The following NIBAN1 variants were observed in gnomAD, a reference collection of about 807,000 sequenced individuals.
NIBAN1 encodes protein Niban 1.
Under a neutral mutation model 75.1 loss-of-function variants are expected in NIBAN1, and 81 were observed. That is an observed-to-expected ratio of 1.08 (90% CI 0.90 to 1.30). NIBAN1 has a LOEUF of 1.30. NIBAN1 is among the 50% of genes most tolerant of loss of function. The pLI is 0.00. For missense variants in NIBAN1, 1,133 were observed against 1,128.1 expected, an observed-to-expected ratio of 1.00 and a Z score of -0.06; for synonymous variants, 436 against 424.8, an observed-to-expected ratio of 1.03 and a Z score of -0.32.
chr1:184,826,772 A>G (rs542426755), intron 6 of NIBAN1, among the ~76,000 whole-genome samples: 2 of 152,224 alleles, frequency 1.3e-5, no homozygotes, highest in Non-Finnish European at 2.9e-5. Flanking sequence ...ACAATGTTCC[A>G]AGAAATTTGG....
chr1:184,820,624 G>T (rs566032330), intron 8 of NIBAN1, among the ~76,000 whole-genome samples: 4 of 152,190 alleles, frequency 2.6e-5, no homozygotes, highest in African/African-American at 4.8e-5. Flanking sequence ...CAGAGATGCC[G>T]CTGTGATGCA....
intron 1 of NIBAN1, among the ~76,000 whole-genome samples, chr1:184,939,168 T>C (rs922194432): frequency 4.6e-5 from 7 of 152,222 alleles, no homozygotes; most frequent in African/African-American, 1.7e-4. Flanking sequence ...GAACACAGTT[T>C]GGTGCTGACA....
At chr1:184,827,297 A>G (rs1442251409) in intron 6 of NIBAN1, among the ~76,000 whole-genome samples, 1 of 152,054 alleles carries the variant, frequency 6.6e-6, no homozygotes. Context: ...GCTCAAGTGC[A>G]TCGCATCCCA....
intron 5 of NIBAN1, among the ~76,000 whole-genome samples, chr1:184,867,337 T>G (rs531082919): frequency 6.6e-6 from 1 of 152,352 alleles, no homozygotes; most frequent in South Asian, 2.1e-4. Flanking sequence ...ATGTTAAGCT[T>G]CTTCTGACAA....
rs140226180 is a variant in NIBAN1 at position 184,840,070 on chromosome 1, G to A, written c.602-8108C>T. Among the ~76,000 whole-genome samples, 286 of 152,218 alleles carry A rather than the reference G, an allele frequency of 1.9e-3. 1 individual carries two copies. Among genetic ancestry groups the A allele is most frequent in the African/African-American group, 6.6e-3 (276 of 41,536 alleles). On this transcript the variant is annotated intron_variant, in intron 5 of 13. Transcript: ENST00000367511. ...GTGATATGGCATTACTAAAAATAAA[G>A]CAAAACAAAACTTCCCTGGAATTAA...
At chr1:184,831,991 A>T in intron 5 of NIBAN1, 29 bp from the exon 6 acceptor site, 1 of 1,515,056 alleles carries the variant, frequency 6.6e-7, no homozygotes, top group Non-Finnish European at 9.2e-7. Context: ...GGCATTCAGC[A>T]AGATAAAACA....
chr1:184,973,058 G>A (rs555733522), intron 1 of NIBAN1, among the ~76,000 whole-genome samples: 2 of 152,290 alleles, frequency 1.3e-5, no homozygotes, highest in South Asian at 4.1e-4. Flanking sequence ...GACTAAGGCA[G>A]GCTTCATTTA....
intron 1 of NIBAN1, among the ~76,000 whole-genome samples, chr1:184,921,897 G>A (rs1657565167): frequency 6.6e-6 from 1 of 152,150 alleles, no homozygotes; most frequent in Non-Finnish European, 1.5e-5. Flanking sequence ...AGCAGTAATT[G>A]TATAATAATA....
chr1:184,968,798 CTTT>C (rs1658864087), intron 1 of NIBAN1, among the ~76,000 whole-genome samples: 1 of 11,984 alleles, frequency 8.3e-5, no homozygotes, highest in Non-Finnish European at 1.4e-4. Context: ...ATGGAAGTTT[CTTT>C]CTTTCTTTCT....
At chr1:184,894,887 T>A (rs1292326108) in intron 2 of NIBAN1, among the ~76,000 whole-genome samples, 1 of 152,212 alleles carries the variant, frequency 6.6e-6, no homozygotes. Context: ...TAGTTACATC[T>A]TCCATTGGAT....
intron 5 of NIBAN1, among the ~76,000 whole-genome samples, chr1:184,874,976 T>C (rs1656196118): frequency 6.6e-6 from 1 of 152,092 alleles, no homozygotes; most frequent in Non-Finnish European, 1.5e-5. Context: ...ATCATACAAA[T>C]CAGATTTTCT....
intron 1 of NIBAN1, among the ~76,000 whole-genome samples, chr1:184,958,403 A>ACACACACACACACAC (rs1557930919): frequency 8.2e-6 from 1 of 121,830 alleles, no homozygotes; most frequent in Non-Finnish European, 1.7e-5. Context: ...CACACACACA[A>ACACACACACACACAC]ATAGCCAAAT....
chr1:184,870,568 T>C (rs1430060353), intron 5 of NIBAN1, among the ~76,000 whole-genome samples: 1 of 152,166 alleles, frequency 6.6e-6, no homozygotes, highest in African/African-American at 2.4e-5. Flanking sequence ...AGGTGGCTTT[T>C]GAGTCATTTC....
chr1:184,890,221 G>A lies in NIBAN1; in HGVS notation c.320C>T (p.Ala107Val). Residue 107 changes from alanine to valine, a missense_variant and splice_region_variant, in exon 4 of 14, where the codon GCC (alanine) becomes GTC (valine). Physicochemically the swap from Ala to Val is moderately conservative, Grantham distance 64. Coordinates refer to ENST00000367511, the MANE Select transcript of NIBAN1 (RefSeq NM_052966.4). ...TTTAGGAGCAGCTCCTCTCTGATAG[G>A]CCTGGGGAGGGAAAGGCACACAGGA... ...YAVESYENKE[A>V]YQRGAAPKCR... 1 of 1,610,090 alleles carries A rather than the reference G, an allele frequency of 6.2e-7. No individual in the cohort carries two copies. Among genetic ancestry groups the A allele is most frequent in the Non-Finnish European group, 8.5e-7 (1 of 1,176,370 alleles).
chr1:184,808,853 C>G (rs1654285360), intron 9 of NIBAN1, among the ~76,000 whole-genome samples: 1 of 152,176 alleles, frequency 6.6e-6, no homozygotes, highest in Non-Finnish European at 1.5e-5. Flanking sequence ...CTAGTTTGCA[C>G]TCAGTCAATG....
intron 5 of NIBAN1, among the ~76,000 whole-genome samples, chr1:184,862,111 C>T (rs898210277): frequency 6.6e-6 from 1 of 152,074 alleles, no homozygotes; most frequent in Non-Finnish European, 1.5e-5. Context: ...TAGACCATGC[C>T]AAAGTACATA....
At chr1:184,903,884 G>A (rs1222256634) in intron 1 of NIBAN1, among the ~76,000 whole-genome samples, 1 of 150,604 alleles carries the variant, frequency 6.6e-6, no homozygotes, top group Non-Finnish European at 1.5e-5. Context: ...CCACAGGAGC[G>A]TGCCACCACA....
At chr1:184,926,447 A>G (rs1056099371) in intron 1 of NIBAN1, among the ~76,000 whole-genome samples, 3 of 152,202 alleles carry the variant, frequency 2.0e-5, no homozygotes, top group African/African-American at 7.2e-5. Context: ...CATGTTGGCC[A>G]GGCTGGTCTT....
In NIBAN1 at chr1:184,906,358, C is replaced by T. The variant is rs180948237; in HGVS notation, c.56-7049G>A. ...AAAATATCAGACTCTTGGCTGGGCG[C>T]GGTGGCTCACACCTGTAATCCTAGC... On this transcript the variant is annotated intron_variant, in intron 1 of 13. Transcript: ENST00000367511. 2.5e-3 allele frequency among the ~76,000 whole-genome samples: 377 copies of T among 151,268 alleles called. 1 individual carries two copies. The highest frequency in any genetic ancestry group is 8.6e-3 in the African/African-American group (355 of 41,216).
Sources: gnomAD v4.1 joint callset for allele counts (sites outside exome capture counted in the v4.1 genomes callset) on GRCh38, gnomAD v4.1.1 for gene constraint, MANE v1.5 for transcripts, NCBI Gene and HGNC (gene_info 2026-07-23, HGNC 2026-07-21) for gene names.